Variants in STIP1 observed in about 807,000 individuals in gnomAD.
The protein encoded by STIP1 is stress-induced-phosphoprotein 1.
A neutral mutation model predicts 77.4 loss-of-function variants in STIP1; 16 were observed. That is an observed-to-expected ratio of 0.21 (90% CI 0.14 to 0.31). STIP1 has a LOEUF of 0.31. Among genes scored for constraint, STIP1 ranks in the 10% least tolerant of loss-of-function variants. STIP1 has a pLI of 1.00. For synonymous variants in STIP1, 258 were observed against 246.6 expected (o/e 1.05, Z -0.44); for missense variants, 524 against 684.8 (o/e 0.77, Z 2.62).
upstream of STIP1, chr11:64,185,787 C>T (rs989730590): frequency 2.6e-6 from 4 of 1,533,640 alleles, no homozygotes; most frequent in African/African-American, 5.5e-5. Context: ...AACCCTCCGC[C>T]CAATTGGAAT....
chr11:64,195,964 ACTT>A (rs1267647518), intron 5 of STIP1, 151 bp downstream of exon 5: 1 of 1,088,414 alleles, frequency 9.2e-7, no homozygotes, highest in Non-Finnish European at 1.3e-6. Flanking sequence ...TTGGTCTTGA[ACTT>A]CTGGCCTCAA....
chr11:64,186,096 A>G, upstream of STIP1: 1 of 1,550,306 alleles, frequency 6.5e-7, no homozygotes, highest in Non-Finnish European at 8.7e-7. Flanking sequence ...CCAATAGTAG[A>G]GCAGCACAGA....
rs1277810463 is a variant in STIP1, at chr11:64,197,522, A to G, written c.829A>G (p.Lys277Glu). The change falls in exon 7 of 14, where the codon AAG becomes GAG. Residue 277 changes from lysine to glutamate, a missense_variant. Coordinates refer to ENST00000305218, the MANE Select transcript of STIP1 (RefSeq NM_006819.3). ...ATACTTTGAAAAGGGCGACTACAAT[A>G]AGTGCCGGGAGCTTTGTGAGAAGGC... ...AVYFEKGDYN[K>E]CRELCEKAIE... 6.2e-7 allele frequency: 1 copy of G among 1,614,172 alleles called. No homozygotes were observed. The highest frequency in any genetic ancestry group is 1.1e-5 in the South Asian group (1 of 91,082).
At chr11:64,188,075 A>G (rs987841606) in intron 1 of STIP1, among the ~76,000 whole-genome samples, 1 of 146,252 alleles carries the variant, frequency 6.8e-6, no homozygotes, top group African/African-American at 2.5e-5. Flanking sequence ...GGCTGGGCGC[A>G]GTGGCTCACG....
intron 4 of STIP1, among the ~76,000 whole-genome samples, chr11:64,195,346 C>T (rs1384617383): frequency 2.6e-5 from 4 of 152,174 alleles, no homozygotes; most frequent in Non-Finnish European, 5.9e-5. Context: ...AAACTCCTGA[C>T]CTCAAGTGGT....
upstream of STIP1, chr11:64,185,629 G>A (rs1296616298): frequency 2.9e-6 from 2 of 684,558 alleles, no homozygotes; most frequent in Non-Finnish European, 4.7e-6. Flanking sequence ...ACTCGGGAGC[G>A]AGAGGGAAAG....
At chr11:64,198,472 A>G (rs1484526447) in intron 8 of STIP1, among the ~76,000 whole-genome samples, 1 of 151,440 alleles carries the variant, frequency 6.6e-6, no homozygotes, top group Non-Finnish European at 1.5e-5. Flanking sequence ...CAACCTCCCA[A>G]AGTCCTGGGA....
At chr11:64,198,433 A>G (rs1006279182) in intron 8 of STIP1, among the ~76,000 whole-genome samples, 7 of 151,872 alleles carry the variant, frequency 4.6e-5, no homozygotes, top group African/African-American at 1.7e-4. Context: ...GGCTGGTCTC[A>G]AACTCCTGAC....
At chr11:64,189,371 T>C (rs867719520) in intron 1 of STIP1, among the ~76,000 whole-genome samples, 1 of 147,622 alleles carries the variant, frequency 6.8e-6, no homozygotes, top group Non-Finnish European at 1.5e-5. Context: ...AAAAAAAAAA[T>C]AAATAAATAA....
At chr11:64,194,456 T>C (rs770375642) in intron 3 of STIP1, 23 bp from the exon 4 acceptor site, 2 of 1,613,952 alleles carry the variant, frequency 1.2e-6, no homozygotes, top group South Asian at 2.2e-5. Flanking sequence ...TTCATAGTGA[T>C]GTGCTTTCCT....
At chr11:64,194,748 C>T (rs1946129719) in intron 4 of STIP1, 128 bp downstream of exon 4, 1 of 1,181,584 alleles carries the variant, frequency 8.5e-7, no homozygotes, top group East Asian at 2.6e-5. Context: ...CTCTGCAGAG[C>T]AGTAGGTGGT....
chr11:64,194,529 G>A lies in STIP1; in HGVS notation c.412G>A (p.Glu138Lys). The A allele has an allele frequency of 6.2e-7, 1 of 1,614,160 alleles. No individual in the cohort carries two copies. The highest frequency in any genetic ancestry group is 8.5e-7 in the Non-Finnish European group (1 of 1,180,034). ...FNMPNLYQKL[E>K]SDPRTRTLLS... The stretch of plus-strand genomic sequence containing the variant: ...CATGCCTAATCTGTATCAGAAGTTG[G>A]AGAGTGATCCCAGGACAAGGACACT... Residue 138 changes from glutamate (E) to lysine (K), a missense_variant, in exon 4 of 14, where the codon GAG (glutamate) becomes AAG (lysine). Coordinates refer to ENST00000305218, the MANE Select transcript of STIP1 (RefSeq NM_006819.3).
At chr11:64,199,853 G>C in intron 8 of STIP1, 87 bp from the exon 9 acceptor site, 2 of 1,508,740 alleles carry the variant, frequency 1.3e-6, no homozygotes, top group Admixed American at 1.9e-5. Flanking sequence ...GTGAGCCACC[G>C]CGCCCGGCCC....
intron 3 of STIP1, 34 bp from the exon 4 acceptor site, chr11:64,194,445 T>C: frequency 6.2e-7 from 1 of 1,613,544 alleles, no homozygotes; most frequent in Non-Finnish European, 8.5e-7. Flanking sequence ...AGTGAACTCA[T>C]TTCATAGTGA....
At chr11:64,199,910 A>G (rs1462262634) in intron 8 of STIP1, 30 bp from the exon 9 acceptor site, 1 of 1,612,762 alleles carries the variant, frequency 6.2e-7, no homozygotes, top group Non-Finnish European at 8.5e-7. Flanking sequence ...TGAGCGTTTA[A>G]ATTATTATTT....
rs1565284853 is a variant in STIP1, at chr11:64,204,069, T to C, written c.1575T>C (p.Pro525=). The C allele has an allele frequency of 2.5e-6, 4 of 1,614,162 alleles. No homozygotes were observed. Among genetic ancestry groups the C allele is most frequent in the Non-Finnish European group, 3.4e-6 (4 of 1,180,016 alleles). The change falls in exon 14 of 14, where the codon CCT becomes CCC. Residue 525 remains proline (P), a synonymous_variant. Transcript: ENST00000305218. Reference sequence around the variant, plus strand: ...TCCTCTGTAGACACTTAAAGAATCCTGTAATAGCACAGAAGATCCAGAAGC... The same window carrying C: ...TCCTCTGTAGACACTTAAAGAATCCCGTAATAGCACAGAAGATCCAGAAGC... ...PQALSEHLKN[P]VIAQKIQKLM... is the part of the protein sequence containing the mutation.
Position 64,195,981 on chromosome 11 carries a change from A to C in STIP1, c.672+168A>C, listed in dbSNP as rs1337029859. ...GGTCTTGAACTTCTGGCCTCAAGCG[A>C]TGCTCCTGCTTCAGCTAGGATTACA... On this transcript the variant is annotated intron_variant, in intron 5 of 13. Coordinates refer to ENST00000305218, the MANE Select transcript of STIP1 (RefSeq NM_006819.3). 41 of 874,786 alleles carry C rather than the reference A, an allele frequency of 4.7e-5. No homozygotes were observed. In the South Asian group the frequency reaches 7.0e-4, roughly 15 times the overall value. The allele number at this position is 874,786 out of a possible 1,614,324, so 54.2% of individuals were successfully genotyped here.
chr11:64,199,624 G>A (rs1294022189), intron 8 of STIP1, among the ~76,000 whole-genome samples: 8 of 143,750 alleles, frequency 5.6e-5, no homozygotes, highest in East Asian at 2.1e-4. Flanking sequence ...GTGCAGTGGC[G>A]CGATCTCGGC....
chr11:64,193,512 G>A (rs942110347), intron 2 of STIP1: 19 of 531,114 alleles, frequency 3.6e-5, no homozygotes, highest in African/African-American at 7.6e-5. Flanking sequence ...GGCTGGGCGC[G>A]GTGACGCACG....
Sources: gnomAD v4.1 joint callset for allele counts (sites outside exome capture counted in the v4.1 genomes callset) on GRCh38, gnomAD v4.1.1 for gene constraint, MANE v1.5 for transcripts, NCBI Gene and HGNC (gene_info 2026-07-23, HGNC 2026-07-21) for gene names.